TASP1: variants seen among roughly 807,000 people sequenced by gnomAD.
The protein encoded by TASP1 is threonine aspartase 1.
In TASP1, 16 loss-of-function variants were observed where a neutral mutation model predicts 56.6. The observed-to-expected ratio is 0.28, with a 90% CI of 0.19 to 0.43. The LOEUF (loss-of-function observed/expected upper bound fraction) is 0.43, where lower values mean the gene tolerates loss of function less well. TASP1 is among the 20% of genes least tolerant of loss of function. The pLI is 1.00. For synonymous variants in TASP1, 179 were observed against 184.2 expected, an observed-to-expected ratio of 0.97 and a Z score of 0.23; for missense variants, 393 against 511.6, an observed-to-expected ratio of 0.77 and a Z score of 2.24.
intron 10 of TASP1, among the ~76,000 whole-genome samples, chr20:13,504,917 A>T (rs1022693196): frequency 6.6e-6 from 1 of 152,140 alleles, no homozygotes; most frequent in Non-Finnish European, 1.5e-5. Flanking sequence ...CCCAGAAAAT[A>T]ACAAAACGGC....
chr20:13,407,918 C>T (rs982309574), intron 13 of TASP1, among the ~76,000 whole-genome samples: 1 of 152,044 alleles, frequency 6.6e-6, no homozygotes, highest in Admixed American at 6.6e-5. Context: ...CCATTTTATG[C>T]CTTCTTATTG....
chr20:13,556,591 T>G (rs936606472), intron 8 of TASP1, among the ~76,000 whole-genome samples: 1 of 152,226 alleles, frequency 6.6e-6, no homozygotes, highest in Non-Finnish European at 1.5e-5. Flanking sequence ...CTAAAGGAGC[T>G]AGCCCATACC....
At chr20:13,213,772 G>A in the TASP1 span, among the ~76,000 whole-genome samples, 1 of 152,026 alleles carries the variant, frequency 6.6e-6, no homozygotes, top group Non-Finnish European at 1.5e-5. Context: ...ATCTCATCAG[G>A]GACTCCCTGA....
At chr20:13,200,713 G>A in the TASP1 span, among the ~76,000 whole-genome samples, 6 of 152,172 alleles carry the variant, frequency 3.9e-5, no homozygotes, top group East Asian at 5.8e-4. Flanking sequence ...AAACACCAAC[G>A]GAGTGGCCAA....
the TASP1 span, among the ~76,000 whole-genome samples, chr20:13,149,689 T>C: frequency 1.3e-5 from 2 of 152,208 alleles, no homozygotes; most frequent in African/African-American, 4.8e-5. Flanking sequence ...ATAAAACATT[T>C]AGTTCTTAGG....
the TASP1 span, among the ~76,000 whole-genome samples, chr20:13,358,789 A>G: frequency 2.0e-5 from 3 of 150,174 alleles, no homozygotes; most frequent in Non-Finnish European, 4.4e-5. Flanking sequence ...CCCACGTTTC[A>G]AGGGTGTCAG....
chr20:13,628,059 G>A (rs2048959148), intron 2 of TASP1, among the ~76,000 whole-genome samples: 1 of 152,134 alleles, frequency 6.6e-6, no homozygotes, highest in African/African-American at 2.4e-5. Context: ...TCTCCACTTT[G>A]GAACACAGAC....
chr20:13,140,490 T>C, the TASP1 span, among the ~76,000 whole-genome samples: 1 of 152,200 alleles, frequency 6.6e-6, no homozygotes, highest in African/African-American at 2.4e-5. Context: ...AACTAGAGAC[T>C]TCCTATCAGG....
At chr20:13,459,627 G>A (rs1296088575) in intron 11 of TASP1, among the ~76,000 whole-genome samples, 1 of 152,072 alleles carries the variant, frequency 6.6e-6, no homozygotes, top group Non-Finnish European at 1.5e-5. Flanking sequence ...GGCAAGTACT[G>A]ACCTATACTT....
At chr20:13,138,734 T>C in the TASP1 span, among the ~76,000 whole-genome samples, 1 of 152,206 alleles carries the variant, frequency 6.6e-6, no homozygotes, top group African/African-American at 2.4e-5. Context: ...TCAAACTCTA[T>C]AGCCTCTTTC....
At chr20:13,313,729 A>AAATT in the TASP1 span, among the ~76,000 whole-genome samples, 1 of 152,230 alleles carries the variant, frequency 6.6e-6, no homozygotes, top group Non-Finnish European at 1.5e-5. Flanking sequence ...TATCAAGAAA[A>AAATT]AATTATAAGA....
chr20:13,256,803 G>A, the TASP1 span, among the ~76,000 whole-genome samples: 4 of 152,184 alleles, frequency 2.6e-5, no homozygotes, highest in African/African-American at 9.7e-5. Context: ...TACAATGGGG[G>A]TGATGATAAT....
At chr20:13,144,399 A>G in the TASP1 span, among the ~76,000 whole-genome samples, 5 of 152,242 alleles carry the variant, frequency 3.3e-5, no homozygotes, top group African/African-American at 9.6e-5. Context: ...TCATCCTCCC[A>G]GAAGTCCTGA....
intron 10 of TASP1, among the ~76,000 whole-genome samples, chr20:13,513,328 A>T (rs748836057): frequency 6.6e-6 from 1 of 151,356 alleles, no homozygotes; most frequent in Admixed American, 6.6e-5. Context: ...TACGAGTAGT[A>T]TAAGTTCCAC....
At chr20:13,144,627 T>A in the TASP1 span, among the ~76,000 whole-genome samples, 160 of 152,122 alleles carry the variant, frequency 1.1e-3, no homozygotes, top group African/African-American at 3.6e-3. Flanking sequence ...CAACAAACAC[T>A]ATATAATTTG....
intron 10 of TASP1, among the ~76,000 whole-genome samples, chr20:13,510,116 T>G (rs902788812): frequency 6.6e-6 from 1 of 152,004 alleles, no homozygotes; most frequent in Non-Finnish European, 1.5e-5. Context: ...TGGTTACTTA[T>G]GCAAAGCACC....
intron 11 of TASP1, among the ~76,000 whole-genome samples, chr20:13,475,436 A>G (rs1331208443): frequency 6.6e-6 from 1 of 152,198 alleles, no homozygotes; most frequent in East Asian, 1.9e-4. Flanking sequence ...TGGTACATAC[A>G]TAGAAATACA....
At chr20:13,599,224 C>T (rs1351210659) in intron 4 of TASP1, among the ~76,000 whole-genome samples, 1 of 152,142 alleles carries the variant, frequency 6.6e-6, no homozygotes, top group African/African-American at 2.4e-5. Context: ...AAGACACATG[C>T]ACACATACGT....
At chr20:13,299,750 G>A in the TASP1 span, 3 of 323,562 alleles carry the variant, frequency 9.3e-6, no homozygotes, top group East Asian at 1.5e-4. This position sits in a 1 kb window ranked among gnomAD's most constrained non-coding sequence, Gnocchi z 5.8. Context: ...AGCCACAGTG[G>A]GTGCGACTCA....
Sources: gnomAD v4.1 joint callset for allele counts (sites outside exome capture counted in the v4.1 genomes callset) on GRCh38, gnomAD v4.1.1 for gene constraint, Gnocchi (gnomAD v3.1) non-coding constraint, MANE v1.5 for transcripts, NCBI Gene and HGNC (gene_info 2026-07-23, HGNC 2026-07-21) for gene names.